PCDHA3: variants seen among roughly 807,000 people sequenced by gnomAD.
PCDHA3 encodes protocadherin alpha-3.
Under a neutral mutation model 62.2 loss-of-function variants are expected in PCDHA3, and 41 were observed. That is an observed-to-expected ratio of 0.66 (90% CI 0.51 to 0.86). The LOEUF is 0.86. Ranked by LOEUF, PCDHA3 falls within the 40% of genes least tolerant of loss-of-function variation. The pLI is 0.00. For missense variants in PCDHA3, 1,304 were observed against 1,241.2 expected, an observed-to-expected ratio of 1.05 and a Z score of -0.76; for synonymous variants, 640 against 555.4, an observed-to-expected ratio of 1.15 and a Z score of -2.14.
rs2150314975 is a variant in PCDHA3, at chr5:140,841,416, A to G, written c.2394+37825A>G. 6 of 1,613,024 alleles carry G rather than the reference A, an allele frequency of 3.7e-6. No homozygotes were observed. The South Asian group carries it at 6.6e-5, about 18-fold the overall frequency. On this transcript the variant is annotated intron_variant, in intron 1 of 3. Coordinates refer to ENST00000522353, the MANE Select transcript of PCDHA3 (RefSeq NM_018906.3). Reference sequence around the variant, plus strand: ...TGGAAGGTGGGGAGCGGCCAGCTCCACTACTCCGTCCCCGAGGAGGCCAAA... The same window carrying G: ...TGGAAGGTGGGGAGCGGCCAGCTCCGCTACTCCGTCCCCGAGGAGGCCAAA...
Position 140,848,471 on chromosome 5 carries a change from A to C in PCDHA3, c.2394+44880A>C, listed in dbSNP as rs1410675725. 39 of 1,555,188 alleles carry C rather than the reference A, an allele frequency of 2.5e-5. 4 individuals carry two copies. Among genetic ancestry groups the C allele is most frequent in the Non-Finnish European group, 3.2e-5 (37 of 1,144,100 alleles). On this transcript the variant is annotated intron_variant, in intron 1 of 3. Transcript: ENST00000522353. ...TCTAATTTGGAGGCAATTTTCACTA[A>C]TTAGAAGAAGACTGAGTATTTGAAA...
At chr5:140,976,594 T>C (rs2096724606) in intron 1 of PCDHA3, among the ~76,000 whole-genome samples, 1 of 152,146 alleles carries the variant, frequency 6.6e-6, no homozygotes, top group Non-Finnish European at 1.5e-5. Flanking sequence ...ACTTTTGTGT[T>C]AAGGGGACCT....
At chr5:140,815,038 AT>A (rs1226281271) in intron 1 of PCDHA3, 30 of 152,068 alleles carry the variant, frequency 2.0e-4, no homozygotes, top group Non-Finnish European at 3.4e-4. Flanking sequence ...TTTGCATGAA[AT>A]TTTTTTAATA....
At chr5:140,862,874 T>C in intron 1 of PCDHA3, 2 of 568,426 alleles carry the variant, frequency 3.5e-6, no homozygotes, top group Non-Finnish European at 3.4e-6. Flanking sequence ...CTGCCAGGTA[T>C]TAGTGCTGGA....
Position 140,803,147 on chromosome 5 carries a change from G to A in PCDHA3, c.1950G>A (p.Leu650=). 1 of 1,613,888 alleles carries A rather than the reference G, an allele frequency of 6.2e-7. No individual in the cohort carries two copies. Among genetic ancestry groups the A allele is most frequent in the Admixed American group, 1.7e-5 (1 of 60,032 alleles). The change falls in exon 1 of 4, where the codon CTG becomes CTA. Residue 650 remains leucine (L), a synonymous_variant. Coordinates refer to ENST00000522353, the MANE Select transcript of PCDHA3 (RefSeq NM_018906.3). ...CCCCGCGCCATCGCCTACTGGTGCT[G>A]GTGAAGGACCACGGTGAACCCTCAT... ...VDAPRHRLLV[L]VKDHGEPSLT... is the part of the protein sequence containing the mutation.
chr5:140,826,085 A>C (rs1768809113), intron 1 of PCDHA3, among the ~76,000 whole-genome samples: 1 of 152,198 alleles, frequency 6.6e-6, no homozygotes, highest in African/African-American at 2.4e-5. Flanking sequence ...CAATTTTATA[A>C]GTACCCTTCT....
chr5:141,001,114 A>G (rs1456437716), intron 3 of PCDHA3, among the ~76,000 whole-genome samples: 4 of 152,062 alleles, frequency 2.6e-5, no homozygotes, highest in Non-Finnish European at 4.4e-5. Flanking sequence ...TAAGCAATCA[A>G]TAGTCCTTAA....
At chr5:140,986,696 C>G (rs2097209947) in intron 3 of PCDHA3, among the ~76,000 whole-genome samples, 2 of 152,130 alleles carry the variant, frequency 1.3e-5, no homozygotes, top group South Asian at 2.1e-4. Context: ...TCAAAACACA[C>G]AGCACTGCAG....
Position 140,843,115 on chromosome 5 carries a change from C to G in PCDHA3, c.2394+39524C>G, listed in dbSNP as rs2150353014. Reference sequence around the variant, plus strand: ...TGGTAGCGAAGGTGCGCGCAGTGGACGCCGACTCGGGCTACAACGCGTGGC... The same window carrying G: ...TGGTAGCGAAGGTGCGCGCAGTGGAGGCCGACTCGGGCTACAACGCGTGGC... On this transcript the variant is annotated intron_variant, in intron 1 of 3. Coordinates refer to ENST00000522353, the MANE Select transcript of PCDHA3 (RefSeq NM_018906.3). 1.3e-5 allele frequency: 21 copies of G among 1,595,824 alleles called. 4 individuals carry two copies. In the South Asian group the frequency reaches 1.5e-4, roughly 12 times the overall value.
intron 1 of PCDHA3, chr5:140,967,668 C>T (rs1554229751): frequency 1.2e-6 from 2 of 1,614,108 alleles, no homozygotes; most frequent in Non-Finnish European, 8.5e-7. Flanking sequence ...AGCTACACGT[C>T]GGACCGGGAG....
intron 1 of PCDHA3, chr5:140,966,476 C>T (rs1326063829): frequency 1.8e-5 from 8 of 432,854 alleles, no homozygotes; most frequent in Non-Finnish European, 2.8e-5. Flanking sequence ...CTTCTGTTTC[C>T]TTTTCCCTCC....
At chr5:140,824,317 G>A in intron 1 of PCDHA3, 1 of 731,928 alleles carries the variant, frequency 1.4e-6, no homozygotes, top group Non-Finnish European at 2.3e-6. Context: ...AGATTCATCA[G>A]CTTTCTGTGA....
intron 1 of PCDHA3, among the ~76,000 whole-genome samples, chr5:140,921,828 A>C (rs1209455799): frequency 6.6e-6 from 1 of 152,126 alleles, no homozygotes; most frequent in Non-Finnish European, 1.5e-5. Flanking sequence ...ATATCTATAC[A>C]CATATAGACA....
At chr5:140,903,166 T>C (rs758397398) in intron 1 of PCDHA3, among the ~76,000 whole-genome samples, 34 of 152,226 alleles carry the variant, frequency 2.2e-4, no homozygotes, top group Non-Finnish European at 2.5e-4. Context: ...TGTGCTGGTT[T>C]ACATTCCCAC....
intron 1 of PCDHA3, among the ~76,000 whole-genome samples, chr5:140,919,626 T>C (rs1554199177): frequency 6.6e-6 from 1 of 152,244 alleles, no homozygotes. Flanking sequence ...TTTTGAGTTA[T>C]TTTCACAGTA....
At position 140,892,381 on chromosome 5, in the gene PCDHA3, G is replaced by A. The variant is rs534818455; in HGVS notation, c.2395-86568G>A. Among the ~76,000 whole-genome samples the A allele has an allele frequency of 2.6e-5, 4 of 152,070 alleles. No individual in the cohort carries two copies. The South Asian group carries it at 8.3e-4, about 32-fold the overall frequency. On this transcript the variant is annotated intron_variant, in intron 1 of 3. Coordinates refer to ENST00000522353, the MANE Select transcript of PCDHA3 (RefSeq NM_018906.3). ...GCATCTTGGGGCACTAGCAATCATG[G>A]GTAATCTTAATCTATTTCAAGCTTC...
chr5:140,877,634 T>C, intron 1 of PCDHA3: 1 of 1,613,738 alleles, frequency 6.2e-7, no homozygotes, highest in Non-Finnish European at 8.5e-7. Context: ...TACACTGCGC[T>C]GCGTTGCTCA....
At position 140,870,104 on chromosome 5, in the gene PCDHA3, C is replaced by G. The variant is rs782066407; in HGVS notation, c.2394+66513C>G. 3.1e-6 allele frequency: 5 copies of G among 1,613,930 alleles called. No individual in the cohort carries two copies. The Admixed American group carries it at 8.3e-5, about 27-fold the overall frequency. ...ACTCCCCCAATGGCAGGTCACTGTACAGTCTGGGTGGAAATCTTGGACACC... is the reference window on the plus strand; with the variant it reads ...ACTCCCCCAATGGCAGGTCACTGTAGAGTCTGGGTGGAAATCTTGGACACC... On this transcript the variant is annotated intron_variant, in intron 1 of 3. Coordinates refer to ENST00000522353, the MANE Select transcript of PCDHA3 (RefSeq NM_018906.3).
chr5:140,943,006 C>G (rs1314561126), intron 1 of PCDHA3, among the ~76,000 whole-genome samples: 1 of 151,932 alleles, frequency 6.6e-6, no homozygotes, highest in East Asian at 1.9e-4. Context: ...CCTGTAATCC[C>G]AGCACTTTGG....
Sources: gnomAD v4.1 joint callset for allele counts (sites outside exome capture counted in the v4.1 genomes callset) on GRCh38, gnomAD v4.1.1 for gene constraint, MANE v1.5 for transcripts, NCBI Gene and HGNC (gene_info 2026-07-23, HGNC 2026-07-21) for gene names.